Variants in RUNX3 observed in about 807,000 individuals in gnomAD.
RUNX3 encodes RUNX family transcription factor 3, also known as runt-related transcription factor 3.
Under a neutral mutation model 27.7 loss-of-function variants are expected in RUNX3, and 10 were observed. The observed-to-expected ratio is 0.36, with a 90% CI of 0.22 to 0.61. The LOEUF is 0.61. Among genes scored for constraint, RUNX3 ranks in the 20% least tolerant of loss-of-function variants. The pLI is 0.72. For missense variants in RUNX3, 469 were observed against 629.5 expected, an observed-to-expected ratio of 0.75 and a Z score of 2.73; for synonymous variants, 270 against 269.2, an observed-to-expected ratio of 1.00 and a Z score of -0.03.
intron 2 of RUNX3, among the ~76,000 whole-genome samples, chr1:24,947,962 C>T (rs1041198695): frequency 6.6e-6 from 1 of 152,216 alleles, no homozygotes; most frequent in Non-Finnish European, 1.5e-5. Flanking sequence ...TGGGGAGGCC[C>T]CACCTTCTCC....
intron 2 of RUNX3, among the ~76,000 whole-genome samples, chr1:24,950,689 C>T (rs1024993266): frequency 6.6e-6 from 1 of 152,172 alleles, no homozygotes; most frequent in East Asian, 2.0e-4. Flanking sequence ...TGGACAAGCA[C>T]AGGGGGCCAT....
Position 24,923,254 on chromosome 1 carries a change from A to T in RUNX3, c.440-3910T>A, listed in dbSNP as rs1641034774. Among the ~76,000 whole-genome samples the T allele has an allele frequency of 6.6e-6, 1 of 151,968 alleles. No individual in the cohort carries two copies. ...GAGGAGTGTGGGGCCTAAGAGGAGG[A>T]GTGAGAGGGAGGGGCAGGAGTCCTG... On this transcript the variant is annotated intron_variant, in intron 2 of 4. Coordinates refer to ENST00000308873, the MANE Select transcript of RUNX3 (RefSeq NM_004350.3). The surrounding 1 kb of genome is among the most constrained non-coding windows in gnomAD (Gnocchi z 5.9).
chr1:24,902,718 G>A lies in RUNX3; in HGVS notation c.704-52C>T, dbSNP rs778898602. The A allele has an allele frequency of 2.8e-6, 4 of 1,441,358 alleles. No homozygotes were observed. The South Asian group carries it at 6.1e-5, about 22-fold the overall frequency. 89.3% of individuals were successfully genotyped at this position (1,441,358 alleles called of 1,614,324 possible). A position where few individuals can be genotyped will look rare whatever the true frequency, so the allele number is the denominator to read the frequency against. Reference sequence around the variant, plus strand: ...TTCCAGCTCGAGACAACCCCAGGAGGGCTTCCTGAAGAATGACCTTGGGCT... The same window carrying A: ...TTCCAGCTCGAGACAACCCCAGGAGAGCTTCCTGAAGAATGACCTTGGGCT... On this transcript the variant is annotated intron_variant, in intron 4 of 4. Transcript: ENST00000308873. The surrounding 1 kb of genome is among the most constrained non-coding windows in gnomAD (Gnocchi z 9.2).
In RUNX3 at chr1:24,929,950, G is replaced by T. The variant is rs1479972951; in HGVS notation, c.-82C>A. ...GGCCGGCGCGGGCGCCTCCTCGGCC[G>T]CCGCTGCCGCGAGAAGCGGGAAAGC... On this transcript the variant is annotated 5_prime_UTR_variant, in exon 1 of 5. Coordinates refer to ENST00000308873, the MANE Select transcript of RUNX3 (RefSeq NM_004350.3). 1.7e-6 allele frequency: 2 copies of T among 1,211,858 alleles called. No individual in the cohort carries two copies. Among genetic ancestry groups the T allele is most frequent in the Admixed American group, 4.4e-5 (1 of 22,586 alleles). The allele number at this position is 1,211,858 out of a possible 1,614,324, so 75.1% of individuals were successfully genotyped here. A position where few individuals can be genotyped will look rare whatever the true frequency, so the allele number is the denominator to read the frequency against.
intron 2 of RUNX3, among the ~76,000 whole-genome samples, chr1:24,942,013 C>A (rs1641490593): frequency 6.6e-6 from 1 of 152,162 alleles, no homozygotes; most frequent in African/African-American, 2.4e-5. Context: ...GGGTGGGGGG[C>A]CCTCTCACTG....
Position 24,907,216 on chromosome 1 carries a change from AC to A in RUNX3, c.703+42del, listed in dbSNP as rs755136862. 42 of 1,588,540 alleles carry A rather than the reference AC, an allele frequency of 2.6e-5. No homozygotes were observed. In the Middle Eastern group the frequency reaches 1.3e-3, roughly 51 times the overall value. On this transcript the variant is annotated intron_variant, in intron 4 of 4. Coordinates refer to ENST00000308873, the MANE Select transcript of RUNX3 (RefSeq NM_004350.3). Reference sequence around the variant, plus strand: ...AGATTGGACCACATCGAGGCCCTCCACCCCCACCTCACCCCGCTGCAGCCCC... The same window carrying A: ...AGATTGGACCACATCGAGGCCCTCCACCCCACCTCACCCCGCTGCAGCCCC...
chr1:24,964,350 C>G (rs960254858), intron 2 of RUNX3, among the ~76,000 whole-genome samples: 4 of 152,180 alleles, frequency 2.6e-5, no homozygotes, highest in Non-Finnish European at 2.9e-5. Context: ...CGCCAAGAGA[C>G]CACAGAGACC....
At chr1:24,932,793 G>T (rs928446652), upstream of RUNX3, among the ~76,000 whole-genome samples, 1 of 152,168 alleles carries the variant, frequency 6.6e-6, no homozygotes, top group East Asian at 1.9e-4. Context: ...CCCTTCCCCA[G>T]TTGGCATGGA....
At chr1:24,951,215 A>AT (rs1553207414) in intron 2 of RUNX3, among the ~76,000 whole-genome samples, 1 of 150,760 alleles carries the variant, frequency 6.6e-6, no homozygotes, top group Non-Finnish European at 1.5e-5. Context: ...AAAAAAAAAA[A>AT]AAAAAAAATA....
chr1:24,912,403 CA>C (rs1005649241), intron 3 of RUNX3, among the ~76,000 whole-genome samples: 16 of 152,256 alleles, frequency 1.1e-4, no homozygotes, highest in African/African-American at 3.4e-4. Context: ...CTCTGCCCCC[CA>C]CTCTTCAGAG....
intron 2 of RUNX3, among the ~76,000 whole-genome samples, chr1:24,942,947 G>A (rs533198704): frequency 2.6e-5 from 4 of 152,360 alleles, no homozygotes; most frequent in Non-Finnish European, 4.4e-5. Flanking sequence ...CGTGGGCACC[G>A]CTCCTGAGAG....
intron 3 of RUNX3, among the ~76,000 whole-genome samples, chr1:24,914,337 C>T (rs1640846601): frequency 6.6e-6 from 1 of 152,250 alleles, no homozygotes; most frequent in Non-Finnish European, 1.5e-5. Context: ...GACCCAGACA[C>T]AGCAGCCACT....
At chr1:24,961,953 C>A (rs1023982526) in intron 2 of RUNX3, 3 of 152,276 alleles carry the variant, frequency 2.0e-5, no homozygotes, top group East Asian at 1.9e-4. Context: ...ACCCGAGACC[C>A]GGATGGACCT....
chr1:24,932,768 A>G (rs1391659908), upstream of RUNX3, among the ~76,000 whole-genome samples: 1 of 152,136 alleles, frequency 6.6e-6, no homozygotes, highest in Non-Finnish European at 1.5e-5. Flanking sequence ...CACCTGGGGC[A>G]TGCAGACACC....
rs1278724808 is a variant in RUNX3 at position 24,908,199 on chromosome 1, G to A, written c.545-782C>T. Among the ~76,000 whole-genome samples, 94 of 109,534 alleles carry A rather than the reference G, an allele frequency of 8.6e-4. 1 individual carries two copies. The highest frequency in any genetic ancestry group is 3.4e-3 in the African/African-American group (88 of 26,156). The allele number at this position is 109,534 out of a possible 152,430, so 71.9% of individuals were successfully genotyped here. A position where few individuals can be genotyped will look rare whatever the true frequency, so the allele number is the denominator to read the frequency against. On this transcript the variant is annotated intron_variant, in intron 3 of 4. Transcript: ENST00000308873. ...GAAGCTCTACGACACGCGGTGATCC[G>A]AACCTCTACGACACGCGGTGATCTG... is the stretch of plus-strand genomic sequence containing the variant.
At chr1:24,930,450 C>A (rs997367866), upstream of RUNX3, among the ~76,000 whole-genome samples, 1 of 151,636 alleles carries the variant, frequency 6.6e-6, no homozygotes. The surrounding 1 kb of genome is among the most constrained non-coding windows in gnomAD (Gnocchi z 4.1). Flanking sequence ...GCGGAAGGCG[C>A]CACCCCGCGG....
intron 2 of RUNX3, among the ~76,000 whole-genome samples, chr1:24,964,120 G>A (rs997625243): frequency 2.6e-5 from 4 of 152,326 alleles, no homozygotes; most frequent in Middle Eastern, 3.4e-3. Flanking sequence ...GTTGCCAGCA[G>A]TGACCTCCTG....
At chr1:24,919,564 C>A (rs184605883) in intron 2 of RUNX3, 6 of 466,128 alleles carry the variant, frequency 1.3e-5, no homozygotes, top group Non-Finnish European at 2.3e-5. Context: ...GTCAACCCCC[C>A]GCCCCATGCC....
intron 2 of RUNX3, among the ~76,000 whole-genome samples, chr1:24,942,935 C>T (rs961159355): frequency 6.6e-6 from 1 of 152,366 alleles, no homozygotes; most frequent in Admixed American, 6.5e-5. Context: ...GTGGAGCCAG[C>T]CCGTGGGCAC....
Sources: gnomAD v4.1 joint callset for allele counts (sites outside exome capture counted in the v4.1 genomes callset) on GRCh38, gnomAD v4.1.1 for gene constraint, Gnocchi (gnomAD v3.1) non-coding constraint, MANE v1.5 for transcripts, NCBI Gene and HGNC (gene_info 2026-07-23, HGNC 2026-07-21) for gene names.